Variants in PCDH15 observed in about 807,000 individuals in gnomAD.
PCDH15 encodes the protein protocadherin related 15, also known as protocadherin-15.
PCDH15 carries 129 observed loss-of-function variants against 178.5 expected under a neutral mutation model. The observed-to-expected ratio is 0.72, with a 90% confidence interval of 0.63 to 0.84. PCDH15 has a LOEUF of 0.84. Ranked by LOEUF, PCDH15 falls within the 40% of genes least tolerant of loss-of-function variation. The pLI is 0.00. For missense variants in PCDH15, 2,230 were observed against 2,099.9 expected, an observed-to-expected ratio of 1.06 and a Z score of -1.21; for synonymous variants, 800 against 732.0, an observed-to-expected ratio of 1.09 and a Z score of -1.50.
intron 13 of PCDH15, among the ~76,000 whole-genome samples, chr10:54,158,257 G>A (rs1275228000): frequency 1.3e-5 from 2 of 152,214 alleles, no homozygotes; most frequent in Non-Finnish European, 2.9e-5. Context: ...AACAGGTATT[G>A]AAATTACAGT....
At chr10:55,340,373 C>A (rs1037235416) in intron 2 of PCDH15, among the ~76,000 whole-genome samples, 1 of 151,808 alleles carries the variant, frequency 6.6e-6, no homozygotes, top group Non-Finnish European at 1.5e-5. Flanking sequence ...GTGATTGTTG[C>A]AGCATCTCCT....
At chr10:54,443,548 T>A (rs114828817) in intron 3 of PCDH15, among the ~76,000 whole-genome samples, 2,697 of 151,628 alleles carry the variant, frequency 0.018, 94 homozygotes, top group African/African-American at 0.062. Context: ...TGGAAACAGA[T>A]CCAGAGAGGA....
chr10:54,568,359 A>G (rs992478440), intron 2 of PCDH15, among the ~76,000 whole-genome samples: 4 of 151,946 alleles, frequency 2.6e-5, no homozygotes, highest in Non-Finnish European at 4.4e-5. Flanking sequence ...ATTCCCTCAC[A>G]TCTTATCCCC....
At chr10:55,340,810 T>G (rs182546632) in intron 2 of PCDH15, among the ~76,000 whole-genome samples, 1 of 152,204 alleles carries the variant, frequency 6.6e-6, no homozygotes, top group African/African-American at 2.4e-5. Flanking sequence ...CAAACATTTA[T>G]ACTTCTCAAG....
At chr10:55,329,732 C>T (rs746534640) in intron 2 of PCDH15, among the ~76,000 whole-genome samples, 1 of 151,588 alleles carries the variant, frequency 6.6e-6, no homozygotes, top group Non-Finnish European at 1.5e-5. Context: ...TTTGAGATGC[C>T]AACCAATAAT....
intron 2 of PCDH15, among the ~76,000 whole-genome samples, chr10:55,151,485 A>C (rs570591104): frequency 6.6e-6 from 1 of 152,212 alleles, no homozygotes; most frequent in South Asian, 2.1e-4. Flanking sequence ...AAAAATACAC[A>C]AGAATGTAGA....
chr10:54,551,774 C>T (rs1408816622), intron 2 of PCDH15, among the ~76,000 whole-genome samples: 4 of 151,876 alleles, frequency 2.6e-5, no homozygotes, highest in African/African-American at 4.8e-5. Flanking sequence ...TTTTCATTTA[C>T]AGCTACCTCA....
chr10:55,485,698 G>A (rs1840279995), intron 2 of PCDH15, among the ~76,000 whole-genome samples: 2 of 151,326 alleles, frequency 1.3e-5, no homozygotes, highest in South Asian at 2.1e-4. Context: ...TGCAATCCAC[G>A]TTTAGTATAG....
intron 3 of PCDH15, among the ~76,000 whole-genome samples, chr10:54,483,808 T>TA (rs199609541): frequency 8.5e-4 from 129 of 152,052 alleles, no homozygotes; most frequent in African/African-American, 3.0e-3. Flanking sequence ...TCAATTGCTT[T>TA]AAAATATTTT....
In PCDH15 at chr10:54,427,269, G is replaced by GTTTTTTTTT. The variant is rs71007854; in HGVS notation, c.158-48336_158-48328dup. ...CCTCTCATTTCTTTCTCTTTTTCTGGTTTTTTTTTTTTTTTTTTTTTTTTT... is the reference window on the plus strand; with the variant it reads ...CCTCTCATTTCTTTCTCTTTTTCTGGTTTTTTTTTTTTTTTTTTTTTTTTTTTTTTTTTT... On this transcript the variant is annotated intron_variant, in intron 3 of 37. Transcript: ENST00000644397. Among the ~76,000 whole-genome samples, 11 of 56,760 alleles carry GTTTTTTTTT rather than the reference G, an allele frequency of 1.9e-4. 2 individuals carry two copies. Among genetic ancestry groups the GTTTTTTTTT allele is most frequent in the East Asian group, 4.2e-4 (1 of 2,364 alleles). 37.2% of individuals were successfully genotyped at this position (56,760 alleles called of 152,430 possible). A position where few individuals can be genotyped will look rare whatever the true frequency, so the allele number is the denominator to read the frequency against.
chr10:55,236,199 T>G (rs1279481776), intron 1 of PCDH15, among the ~76,000 whole-genome samples: 1 of 152,040 alleles, frequency 6.6e-6, no homozygotes, highest in Non-Finnish European at 1.5e-5. Flanking sequence ...GACGTCTTGT[T>G]GCATATTAGA....
intron 24 of PCDH15, 80 bp from the exon 25 acceptor site, chr10:53,939,035 TCAAAAACAC>T: frequency 7.1e-7 from 1 of 1,414,738 alleles, no homozygotes; most frequent in East Asian, 2.3e-5. Flanking sequence ...CACTGTGATT[TCAAAAACAC>T]TAAAAATGCC....
Position 54,346,463 on chromosome 10 carries a change from T to C in PCDH15, c.496A>G (p.Ile166Val). Reference sequence around the variant, plus strand: ...TTGTCTCCTGAAAATCCTGTGAATATTGTGGTACCAACTGGAGTGAGCTGA... The same window carrying C: ...TTGTCTCCTGAAAATCCTGTGAATACTGTGGTACCAACTGGAGTGAGCTGA... ...VNELTPVGTT[I>V]FTGFSGDNGA... Residue 166 changes from isoleucine (I) to valine (V), a missense_variant, in exon 6 of 38, where the codon ATA (isoleucine) becomes GTA (valine). Coordinates refer to ENST00000644397, the MANE Select transcript of PCDH15 (RefSeq NM_001384140.1). 1 of 1,613,908 alleles carries C rather than the reference T, an allele frequency of 6.2e-7. No individual in the cohort carries two copies. Among genetic ancestry groups the C allele is most frequent in the African/African-American group, 1.3e-5 (1 of 75,048 alleles).
At chr10:54,154,503 G>C (rs2044884017) in intron 13 of PCDH15, among the ~76,000 whole-genome samples, 1 of 151,960 alleles carries the variant, frequency 6.6e-6, no homozygotes, top group African/African-American at 2.4e-5. Context: ...TACCTTCCTT[G>C]ATCAAATGTA....
At chr10:54,139,348 T>G (rs1301570673) in intron 14 of PCDH15, among the ~76,000 whole-genome samples, 1 of 152,080 alleles carries the variant, frequency 6.6e-6, no homozygotes, top group Non-Finnish European at 1.5e-5. Context: ...TAAATGATGG[T>G]GTCTAATATT....
intron 2 of PCDH15, among the ~76,000 whole-genome samples, chr10:55,122,303 G>C (rs1837791571): frequency 6.6e-6 from 1 of 152,144 alleles, no homozygotes; most frequent in Non-Finnish European, 1.5e-5. Flanking sequence ...TGTTGTGAAA[G>C]ATAAGTGTAA....
chr10:54,690,555 C>G (rs536363226), intron 1 of PCDH15, among the ~76,000 whole-genome samples: 5 of 151,980 alleles, frequency 3.3e-5, no homozygotes, highest in Admixed American at 6.6e-5. Context: ...CCTTGTGATC[C>G]ACCCACCTCA....
chr10:55,323,815 G>A (rs767949062), upstream of PCDH15, among the ~76,000 whole-genome samples: 1 of 152,120 alleles, frequency 6.6e-6, no homozygotes, highest in Non-Finnish European at 1.5e-5. Context: ...CAGGACTGTT[G>A]GAGAGGCATG....
intron 1 of PCDH15, among the ~76,000 whole-genome samples, chr10:55,186,203 G>A (rs1299522205): frequency 6.6e-6 from 1 of 151,242 alleles, no homozygotes; most frequent in African/African-American, 2.4e-5. Flanking sequence ...TAGTCATACA[G>A]ATAAATAAAG....
Sources: gnomAD v4.1 joint callset for allele counts (sites outside exome capture counted in the v4.1 genomes callset) on GRCh38, gnomAD v4.1.1 for gene constraint, MANE v1.5 for transcripts, NCBI Gene and HGNC (gene_info 2026-07-23, HGNC 2026-07-21) for gene names.